SHROOM2: variants seen among roughly 807,000 people sequenced by gnomAD.
SHROOM2 encodes the protein protein Shroom2.
In SHROOM2, 33 loss-of-function variants were observed where a neutral mutation model predicts 75.9. That is an observed-to-expected ratio of 0.43 (90% CI 0.33 to 0.58). The LOEUF is 0.58. SHROOM2 is among the 20% of genes least tolerant of loss of function. SHROOM2 has a pLI of 0.04. For synonymous variants in SHROOM2, 655 were observed against 663.6 expected (o/e 0.99, Z 0.20); for missense variants, 1,434 against 1,461.2 (o/e 0.98, Z 0.30).
At chrX:9,861,815 A>T (rs1329576675) in intron 1 of SHROOM2, among the ~76,000 whole-genome samples, 1 of 111,639 alleles carries the variant, frequency 9.0e-6, no homozygotes, top group African/African-American at 3.3e-5. Context: ...TCAGTACCAG[A>T]TCATTCCTCA....
At chrX:9,809,799 G>A (rs1359783653) in intron 1 of SHROOM2, among the ~76,000 whole-genome samples, 2 of 112,044 alleles carry the variant, frequency 1.8e-5, no homozygotes, top group South Asian at 7.5e-4. Context: ...CTCCCGAGTA[G>A]CTGGGACTAC....
At chrX:9,866,883 A>G (rs1215153741) in intron 1 of SHROOM2, among the ~76,000 whole-genome samples, 4 of 109,755 alleles carry the variant, frequency 3.6e-5, no homozygotes, top group Non-Finnish European at 7.6e-5. Context: ...TCCTGCCTCC[A>G]CGCCCTTCTT....
At position 9,932,143 on chromosome X, in the gene SHROOM2, C is replaced by T. The variant is rs879189077; in HGVS notation, c.2892-32C>T. ...TGTGGTGGGAAGGTATTATTGGAAT[C>T]GTTGATTAATTTGTACTTGTTCTTC... On this transcript the variant is annotated intron_variant, in intron 5 of 9. Transcript: ENST00000380913. 7.3e-6 allele frequency: 8 copies of T among 1,092,842 alleles called. No individual in the cohort carries two copies. The South Asian group carries it at 9.4e-5, about 13-fold the overall frequency. The allele number at this position is 1,092,842 out of a possible 1,213,427, so 90.1% of individuals were successfully genotyped here. A position where few individuals can be genotyped will look rare whatever the true frequency, so the allele number is the denominator to read the frequency against.
intron 1 of SHROOM2, among the ~76,000 whole-genome samples, chrX:9,861,656 G>C (rs1446757913): frequency 2.7e-5 from 3 of 112,097 alleles, no homozygotes; most frequent in Non-Finnish European, 5.6e-5. Context: ...TTTAGAGTTT[G>C]CAACATATTT....
intron 5 of SHROOM2, among the ~76,000 whole-genome samples, chrX:9,914,342 G>C (rs1486385677): frequency 9.1e-6 from 1 of 109,671 alleles, no homozygotes; most frequent in East Asian, 2.9e-4. Context: ...TCCGCCTTTG[G>C]ATTTTGGAGG....
At chrX:9,921,743 C>A (rs183263772) in intron 5 of SHROOM2, among the ~76,000 whole-genome samples, 2 of 112,293 alleles carry the variant, frequency 1.8e-5, no homozygotes, top group African/African-American at 6.5e-5. Flanking sequence ...GCATAATGTC[C>A]TGTAGGCTCA....
At chrX:9,808,814 T>C (rs2083773706) in intron 1 of SHROOM2, among the ~76,000 whole-genome samples, 1 of 110,148 alleles carries the variant, frequency 9.1e-6, no homozygotes, top group Non-Finnish European at 1.9e-5. Flanking sequence ...GTGAGCCAAG[T>C]TCGCGCCATT....
intron 1 of SHROOM2, among the ~76,000 whole-genome samples, chrX:9,808,212 G>C (rs1447395324): frequency 9.0e-6 from 1 of 110,698 alleles, no homozygotes; most frequent in Non-Finnish European, 1.9e-5. Flanking sequence ...GGGTGGTCGG[G>C]GAGGCTGAAG....
At chrX:9,883,663 C>A (rs1384298449) in intron 2 of SHROOM2, among the ~76,000 whole-genome samples, 3 of 109,886 alleles carry the variant, frequency 2.7e-5, no homozygotes, top group Non-Finnish European at 5.7e-5. Flanking sequence ...AGAGTGAGGG[C>A]AAGACCTGGC....
At chrX:9,929,707 G>A (rs1205397531) in intron 5 of SHROOM2, among the ~76,000 whole-genome samples, 1 of 111,677 alleles carries the variant, frequency 9.0e-6, no homozygotes, top group Non-Finnish European at 1.9e-5. Flanking sequence ...TAAATTATAG[G>A]TCATTTAATT....
At chrX:9,898,672 G>C (rs751050484) in intron 5 of SHROOM2, among the ~76,000 whole-genome samples, 1 of 112,597 alleles carries the variant, frequency 8.9e-6, no homozygotes, top group East Asian at 2.8e-4. Context: ...TAGCTATCTA[G>C]CACACAGCTG....
At chrX:9,928,039 A>G (rs1374628353) in intron 5 of SHROOM2, among the ~76,000 whole-genome samples, 1 of 112,093 alleles carries the variant, frequency 8.9e-6, no homozygotes, top group Non-Finnish European at 1.9e-5. Context: ...CTGTCATAGC[A>G]TGCTGGGTGA....
intron 8 of SHROOM2, among the ~76,000 whole-genome samples, chrX:9,941,189 C>T (rs1206675695): frequency 8.9e-6 from 1 of 112,097 alleles, no homozygotes; most frequent in African/African-American, 3.2e-5. Context: ...ACCTTGTTTC[C>T]CCTATAGAAG....
intron 3 of SHROOM2, 41 bp from the exon 4 acceptor site, chrX:9,894,317 C>T: frequency 8.5e-7 from 1 of 1,170,646 alleles, no homozygotes; most frequent in Non-Finnish European, 1.1e-6. Flanking sequence ...ATTGCTGTTG[C>T]TAAAGCACAC....
intron 1 of SHROOM2, among the ~76,000 whole-genome samples, chrX:9,817,216 A>G (rs1198069529): frequency 4.6e-5 from 5 of 108,449 alleles, no homozygotes; most frequent in South Asian, 4.0e-4. Flanking sequence ...CAAGTGATCC[A>G]CCCACCTCGG....
chrX:9,814,517 T>C (rs1428217463), intron 1 of SHROOM2, among the ~76,000 whole-genome samples: 1 of 111,212 alleles, frequency 9.0e-6, no homozygotes, highest in African/African-American at 3.3e-5. Context: ...GGGACTTTAG[T>C]GATAGGTCTA....
Position 9,932,808 on chromosome X carries a change from G to A in SHROOM2, c.3525G>A (p.Gln1175=). The A allele has an allele frequency of 8.3e-7, 1 of 1,207,050 alleles. No homozygotes were observed. The highest frequency in any genetic ancestry group is 1.1e-6 in the Non-Finnish European group (1 of 894,769). The change falls in exon 6 of 10, where the codon CAG becomes CAA. Residue 1175 remains glutamine, a synonymous_variant. Transcript: ENST00000380913. ...AGACCTCGCGCTCCCCCTCGCCCCA[G>A]TTCGCCCCCCAGAAACTGACGGACA... ...TMETSRSPSP[Q]FAPQKLTDKP...
chrX:9,874,112 T>C (rs999555328), intron 2 of SHROOM2, among the ~76,000 whole-genome samples: 1 of 112,385 alleles, frequency 8.9e-6, no homozygotes, highest in Non-Finnish European at 1.9e-5. Context: ...TGAGGTGACA[T>C]GTTGTTGCCT....
Position 9,851,631 on chromosome X carries a change from A to ATTTT in SHROOM2, c.166-22009_166-22006dup, listed in dbSNP as rs746554166. On this transcript the variant is annotated intron_variant, in intron 1 of 9. Transcript: ENST00000380913. ...GCCACCACACCTGACAAATTTTTGTATTTTTTTTTTTTTTTGTAGAGATGG... is the reference window on the plus strand; with the variant it reads ...GCCACCACACCTGACAAATTTTTGTATTTTTTTTTTTTTTTTTTTGTAGAGATGG... Among the ~76,000 whole-genome samples, 106 of 90,705 alleles carry ATTTT rather than the reference A, an allele frequency of 1.2e-3. 1 individual carries two copies. The highest frequency in any genetic ancestry group is 3.8e-3 in the African/African-American group (94 of 24,792). The allele number at this position is 90,705 out of a possible 115,157, so 78.8% of individuals were successfully genotyped here.
Sources: allele counts gnomAD v4.1 joint callset (sites outside exome capture counted in the v4.1 genomes callset), GRCh38; gene constraint gnomAD v4.1.1; transcripts MANE v1.5; gene names NCBI Gene and HGNC (gene_info 2026-07-23, HGNC 2026-07-21).